Variants in NREP observed in about 807,000 individuals in gnomAD.
NREP encodes neuronal regeneration-related protein.
In NREP, 5 loss-of-function variants were observed where a neutral mutation model predicts 8.6. That is an observed-to-expected ratio of 0.58 (90% confidence interval 0.30 to 1.22). The LOEUF is 1.22. Among genes scored for constraint, NREP ranks in the 50% most tolerant of loss-of-function variants. The pLI is 0.07. For synonymous variants in NREP, 27 were observed against 28.0 expected (o/e 0.96, Z 0.11); for missense variants, 86 against 82.5 (o/e 1.04, Z -0.17).
chr5:111,928,592 T>C (rs1581226956), intron 2 of NREP, among the ~76,000 whole-genome samples: 1 of 152,152 alleles, frequency 6.6e-6, no homozygotes, highest in South Asian at 2.1e-4. Flanking sequence ...CCCTCTAATA[T>C]TTTTCTACTG....
rs758046028 is a variant in NREP at position 111,903,177 on chromosome 5, G to A, written c.135+72097C>T. Among the ~76,000 whole-genome samples, 36 of 146,480 alleles carry A rather than the reference G, an allele frequency of 2.5e-4. 1 individual carries two copies. Among genetic ancestry groups the A allele is most frequent in the South Asian group, 1.3e-3 (6 of 4,574 alleles). On this transcript the variant is annotated intron_variant, in intron 2 of 3. Coordinates refer to the NREP transcript ENST00000395634. Reference sequence around the variant, plus strand: ...TGGCTCACTGCAACCTCCACCTCCCGGGTTCAAATGATTCTTGTGCCTCAG... The same window carrying A: ...TGGCTCACTGCAACCTCCACCTCCCAGGTTCAAATGATTCTTGTGCCTCAG...
chr5:111,902,593 A>G (rs1754672944), intron 2 of NREP, among the ~76,000 whole-genome samples: 1 of 152,196 alleles, frequency 6.6e-6, no homozygotes, highest in Non-Finnish European at 1.5e-5. Context: ...AGGTCATGAC[A>G]ACAGATTTGG....
At chr5:111,762,766 C>T (rs558953924) in intron 2 of NREP, among the ~76,000 whole-genome samples, 14 of 152,146 alleles carry the variant, frequency 9.2e-5, no homozygotes, top group African/African-American at 2.9e-4. Context: ...TTAAGCCCTC[C>T]GGTCTGTGGT....
intron 2 of NREP, among the ~76,000 whole-genome samples, chr5:111,950,758 C>T (rs559548222): frequency 2.3e-4 from 35 of 150,240 alleles, no homozygotes; most frequent in African/African-American, 8.3e-4. Context: ...TGAACAGACA[C>T]TTCTCAAAAG....
chr5:111,782,906 T>C (rs1421522157), intron 2 of NREP, among the ~76,000 whole-genome samples: 2 of 152,046 alleles, frequency 1.3e-5, no homozygotes, highest in Non-Finnish European at 2.9e-5. Context: ...GGCTAATTTT[T>C]GTATTTAAAC....
intron 2 of NREP, among the ~76,000 whole-genome samples, chr5:111,795,896 T>C (rs939373374): frequency 2.6e-5 from 4 of 152,230 alleles, no homozygotes; most frequent in African/African-American, 9.6e-5. Flanking sequence ...ATTATTCCCA[T>C]TGTGCAGATA....
intron 2 of NREP, among the ~76,000 whole-genome samples, chr5:111,808,098 C>T (rs535438268): frequency 6.6e-6 from 1 of 152,318 alleles, no homozygotes; most frequent in African/African-American, 2.4e-5. Context: ...TTCATTCTAT[C>T]TGGTGCAATA....
intron 2 of NREP, among the ~76,000 whole-genome samples, chr5:111,767,805 A>G (rs929368565): frequency 6.6e-6 from 1 of 152,020 alleles, no homozygotes; most frequent in African/African-American, 2.4e-5. Flanking sequence ...AGATGGAACT[A>G]CAGGCTTGTG....
At chr5:111,771,737 T>C (rs1751234561) in intron 2 of NREP, among the ~76,000 whole-genome samples, 1 of 142,960 alleles carries the variant, frequency 7.0e-6, no homozygotes, top group Non-Finnish European at 1.5e-5. Context: ...CACTCCAGCC[T>C]GGGCAACAAG....
chr5:111,818,721 G>A (rs930284562), intron 2 of NREP, among the ~76,000 whole-genome samples: 2 of 152,178 alleles, frequency 1.3e-5, no homozygotes, highest in Non-Finnish European at 2.9e-5. Flanking sequence ...ATATGCATGT[G>A]TAAAGTAATG....
rs570782396 is a variant in NREP at position 111,968,476 on chromosome 5, G to A, written c.135+6798C>T. On this transcript the variant is annotated intron_variant, in intron 2 of 3. Coordinates refer to the NREP transcript ENST00000395634. ...AAGTTGTTATACAGAAAGATGATTAGATAAGCTTTCAAAGTTGCTTACTAG... is the reference window on the plus strand; with the variant it reads ...AAGTTGTTATACAGAAAGATGATTAAATAAGCTTTCAAAGTTGCTTACTAG... Among the ~76,000 whole-genome samples, 3 of 152,276 alleles carry A rather than the reference G, an allele frequency of 2.0e-5. No homozygotes were observed. The East Asian group carries it at 5.8e-4, about 29-fold the overall frequency.
intron 2 of NREP, among the ~76,000 whole-genome samples, chr5:111,867,776 G>A (rs1753701495): frequency 6.6e-6 from 1 of 152,012 alleles, no homozygotes; most frequent in Admixed American, 6.6e-5. Context: ...TTAATAGTAA[G>A]TACACATCCT....
intron 2 of NREP, among the ~76,000 whole-genome samples, chr5:111,905,620 A>C (rs1754762797): frequency 6.6e-6 from 1 of 152,132 alleles, no homozygotes; most frequent in African/African-American, 2.4e-5. Context: ...TTTTAATTTC[A>C]CAAGACAGCA....
intron 2 of NREP, among the ~76,000 whole-genome samples, chr5:111,913,541 A>T (rs1036086987): frequency 2.0e-5 from 3 of 152,116 alleles, no homozygotes; most frequent in East Asian, 3.9e-4. Context: ...GTGAGTTCAT[A>T]GTTCAGGGTC....
chr5:111,891,802 C>T (rs113545907), intron 2 of NREP, among the ~76,000 whole-genome samples: 118 of 152,258 alleles, frequency 7.7e-4, no homozygotes, highest in African/African-American at 2.7e-3. Flanking sequence ...CACTCGCTAT[C>T]GTGAGGACAG....
intron 2 of NREP, among the ~76,000 whole-genome samples, chr5:111,854,521 A>T (rs992033988): frequency 1.3e-5 from 2 of 152,320 alleles, no homozygotes; most frequent in Middle Eastern, 3.4e-3. Flanking sequence ...TTCACTGTTT[A>T]CATTGGTGAA....
intron 2 of NREP, among the ~76,000 whole-genome samples, chr5:111,954,315 GA>G (rs914875908): frequency 2.6e-5 from 4 of 151,720 alleles, no homozygotes; most frequent in Non-Finnish European, 4.4e-5. Context: ...CTTTGGGTTA[GA>G]AAAAAAAGAG....
intron 2 of NREP, among the ~76,000 whole-genome samples, chr5:111,840,980 G>T (rs1376207004): frequency 6.6e-6 from 1 of 152,090 alleles, no homozygotes; most frequent in African/African-American, 2.4e-5. Flanking sequence ...TGGAACTACA[G>T]TTGTTTTGTG....
intron 2 of NREP, among the ~76,000 whole-genome samples, chr5:111,836,066 C>A (rs1404509393): frequency 2.0e-5 from 3 of 152,070 alleles, no homozygotes; most frequent in African/African-American, 7.2e-5. Context: ...TAACTCAGTC[C>A]TTCCTCCCTT....
Sources: gnomAD v4.1 joint callset for allele counts (sites outside exome capture counted in the v4.1 genomes callset) on GRCh38, gnomAD v4.1.1 for gene constraint, MANE v1.5 for transcripts, NCBI Gene and HGNC (gene_info 2026-07-23, HGNC 2026-07-21) for gene names.